Variants in USP54 observed in about 807,000 individuals in gnomAD.
USP54 encodes the protein ubiquitin carboxyl-terminal hydrolase 54.
In USP54, 87 loss-of-function variants were observed where a neutral mutation model predicts 170.5. The observed-to-expected ratio is 0.51, with a 90% CI of 0.43 to 0.61. The LOEUF is 0.61. Among genes scored for constraint, USP54 ranks in the 20% least tolerant of loss-of-function variants. USP54 has a pLI of 0.00. For synonymous variants in USP54, 655 were observed against 742.8 expected (o/e 0.88, Z 1.92); for missense variants, 1,786 against 2,047.8 (o/e 0.87, Z 2.47).
At chr10:73,581,232 G>A (rs112735751) in intron 1 of USP54, among the ~76,000 whole-genome samples, 3,893 of 152,318 alleles carry the variant, frequency 0.026, 74 homozygotes, top group South Asian at 0.051. Flanking sequence ...CGAGGTGAGC[G>A]TGGGCAACAT....
In USP54 at chr10:73,515,041, G is replaced by GA. The variant is rs111739719; in HGVS notation, c.4051+1333dup. The stretch of plus-strand genomic sequence containing the variant: ...GGCAACAGGAGTGCAACTCTTCTCA[G>GA]AAAAAAAAAAAAATGAATAAAAAAT... On this transcript the variant is annotated intron_variant, in intron 20 of 23. Transcript: ENST00000687698. 3.3e-3 allele frequency among the ~76,000 whole-genome samples: 457 copies of GA among 137,320 alleles called. 2 individuals are homozygous for GA. The highest frequency in any genetic ancestry group is 8.7e-3 in the African/African-American group (324 of 37,316). The allele number at this position is 137,320 out of a possible 152,430, so 90.1% of individuals were successfully genotyped here. A position where few individuals can be genotyped will look rare whatever the true frequency, so the allele number is the denominator to read the frequency against.
chr10:73,579,512 T>C (rs1299264703), intron 1 of USP54, among the ~76,000 whole-genome samples: 1 of 152,060 alleles, frequency 6.6e-6, no homozygotes, highest in East Asian at 1.9e-4. Flanking sequence ...CCCAGCACTT[T>C]TGGAAGCTGA....
At chr10:73,569,902 CAAAAAAAAAAAAAAAAAAAAAAAAAA>C (rs34676499) in intron 4 of USP54, among the ~76,000 whole-genome samples, 5,015 of 18,786 alleles carry the variant, frequency 0.27, 225 homozygotes, top group South Asian at 0.44. Context: ...ATTTCATCTC[CAAAAAAAAAAAAAAAAAAAAAAAAAA>C]AAAAAAAAAA....
At chr10:73,553,844 C>A (rs146611993) in intron 4 of USP54, among the ~76,000 whole-genome samples, 1 of 152,332 alleles carries the variant, frequency 6.6e-6, no homozygotes, top group East Asian at 1.9e-4. Context: ...TGTCTGTTAA[C>A]TAGTTTCTTG....
chr10:73,509,639 T>C (rs1052772120), intron 20 of USP54, among the ~76,000 whole-genome samples: 1 of 151,926 alleles, frequency 6.6e-6, no homozygotes, highest in Non-Finnish European at 1.5e-5. Flanking sequence ...AAAATCTTTA[T>C]TTCTGAGAGA....
intron 19 of USP54, chr10:73,518,195 T>C (rs1023213758): frequency 6.1e-6 from 6 of 985,204 alleles, no homozygotes; most frequent in Non-Finnish European, 7.2e-6. Context: ...CTACCTGGGG[T>C]CCTGAGAGGC....
chr10:73,583,011 C>T (rs2077068829), intron 1 of USP54, among the ~76,000 whole-genome samples: 1 of 152,124 alleles, frequency 6.6e-6, no homozygotes, highest in South Asian at 2.1e-4. Context: ...GGTATTCTTG[C>T]CTAAACCATA....
rs180905271 is a variant in USP54, at chr10:73,542,774, C to T, written c.572+29G>A. On this transcript the variant is annotated intron_variant, in intron 7 of 23. Transcript: ENST00000687698. ...CCAATCAACTGGAGGAATGCCTAAA[C>T]GCACAACAGAAAATCTTGTAAGACT... 6.1e-5 allele frequency: 96 copies of T among 1,580,996 alleles called. No individual in the cohort carries two copies. In the African/African-American group the frequency reaches 9.2e-4, roughly 15 times the overall value.
Position 73,616,110 on chromosome 10 carries a change from G to A in USP54, c.-18+9457C>T, listed in dbSNP as rs371848695. Among the ~76,000 whole-genome samples, 52 of 149,878 alleles carry A rather than the reference G, an allele frequency of 3.5e-4. 4 individuals are homozygous for A. Among genetic ancestry groups the A allele is most frequent in the African/African-American group, 1.3e-3 (50 of 39,474 alleles). On this transcript the variant is annotated intron_variant, in intron 1 of 22. Coordinates refer to the USP54 transcript ENST00000339859. ...CCTGTAATCTTTGGGAGGCCGAGGT[G>A]GGCAGATCACTTGAGATCAGGAGTT... is the stretch of plus-strand genomic sequence containing the variant.
intron 12 of USP54, among the ~76,000 whole-genome samples, chr10:73,532,209 G>A (rs2064133348): frequency 1.3e-5 from 2 of 151,454 alleles, no homozygotes; most frequent in African/African-American, 4.8e-5. Context: ...GTCTCGCTCT[G>A]TCACCCAGGC....
chr10:73,505,153 C>G, intron 21 of USP54, 155 bp downstream of exon 21: 1 of 1,270,108 alleles, frequency 7.9e-7, no homozygotes, highest in Admixed American at 2.2e-5. Context: ...ACAATCTCCT[C>G]TAATTCAAAA....
At chr10:73,592,314 A>C (rs538483484), upstream of USP54, among the ~76,000 whole-genome samples, 1 of 152,286 alleles carries the variant, frequency 6.6e-6, no homozygotes, top group Non-Finnish European at 1.5e-5. Flanking sequence ...CTATAGGTTG[A>C]GAGAAAATAT....
chr10:73,505,214 C>CCT lies in USP54; in HGVS notation c.4170+92_4170+93dup, dbSNP rs1257436220. 3.7e-6 allele frequency: 5 copies of CCT among 1,333,854 alleles called. No homozygotes were observed. The African/African-American group carries it at 4.4e-5, about 12-fold the overall frequency. The allele number at this position is 1,333,854 out of a possible 1,614,324, so 82.6% of individuals were successfully genotyped here. A position where few individuals can be genotyped will look rare whatever the true frequency, so the allele number is the denominator to read the frequency against. The stretch of plus-strand genomic sequence containing the variant: ...CTTCTGATAGCCCCATATCACCATG[C>CCT]CTCTGCCTTATCATCATCCCTGTCA... On this transcript the variant is annotated intron_variant, in intron 21 of 23. Transcript: ENST00000687698.
chr10:73,522,274 C>T (rs1046165031), intron 17 of USP54, among the ~76,000 whole-genome samples: 4 of 152,232 alleles, frequency 2.6e-5, no homozygotes, highest in South Asian at 2.1e-4. Flanking sequence ...TTGTAATCAA[C>T]TAAATGTATA....
intron 1 of USP54, among the ~76,000 whole-genome samples, chr10:73,608,337 C>T (rs947999698): frequency 6.6e-6 from 1 of 152,056 alleles, no homozygotes; most frequent in Non-Finnish European, 1.5e-5. Flanking sequence ...CCTCTTATAC[C>T]AACATAACCA....
chr10:73,588,192 A>C (rs1208126905), intron 1 of USP54, among the ~76,000 whole-genome samples: 1 of 151,526 alleles, frequency 6.6e-6, no homozygotes, highest in Non-Finnish European at 1.5e-5. Flanking sequence ...TTTTTTTCTT[A>C]AATGTATCCT....
intron 1 of USP54, among the ~76,000 whole-genome samples, chr10:73,603,608 C>T (rs1274936722): frequency 1.3e-5 from 2 of 151,924 alleles, no homozygotes; most frequent in African/African-American, 2.4e-5. Context: ...GTTAATCAGG[C>T]GTGGTGGCGC....
chr10:73,571,294 G>T, intron 4 of USP54, 127 bp downstream of exon 4: 2 of 740,066 alleles, frequency 2.7e-6, no homozygotes, highest in South Asian at 2.1e-5. Flanking sequence ...ATCCATTTTT[G>T]CACTAAACCA....
rs746347786 is a variant in USP54, at chr10:73,530,469, C to G, written c.1502G>C (p.Ser501Thr). ...APRNASKPSS[S>T]TNRLRDFKET... ...TTTAAAATCTCTCAGCCTGTTGGTGCTGCTGGATGGTTTGGAGGCATTTCT... is the reference window on the plus strand; with the variant it reads ...TTTAAAATCTCTCAGCCTGTTGGTGGTGCTGGATGGTTTGGAGGCATTTCT... Residue 501 changes from serine (S) to threonine (T), a missense_variant, in exon 14 of 24, where the codon AGC (serine) becomes ACC (threonine). By Grantham distance (58) the Ser-to-Thr change is moderately conservative (BLOSUM62 1). Transcript: ENST00000687698. 6.2e-6 allele frequency: 10 copies of G among 1,614,040 alleles called. No homozygotes were observed. Among genetic ancestry groups the G allele is most frequent in the Admixed American group, 1.7e-5 (1 of 60,014 alleles).
Sources: allele counts gnomAD v4.1 joint callset (sites outside exome capture counted in the v4.1 genomes callset), GRCh38; gene constraint gnomAD v4.1.1; transcripts MANE v1.5; gene names NCBI Gene and HGNC (gene_info 2026-07-23, HGNC 2026-07-21).